Variants in AQP12A observed in about 807,000 individuals in gnomAD.
The protein encoded by AQP12A is aquaporin 12A.
In AQP12A, 11 loss-of-function variants were observed where a neutral mutation model predicts 12.2. The observed-to-expected ratio is 0.90, with a 90% CI of 0.57 to 1.49. AQP12A has a LOEUF of 1.49. AQP12A is among the 40% of genes most tolerant of loss of function. The probability of loss-of-function intolerance (pLI) is 0.00; values close to 1 mark genes in which losing one functional copy is unlikely to be tolerated. For missense variants in AQP12A, 203 were observed against 260.8 expected (o/e 0.78, Z 1.53); for synonymous variants, 101 against 127.1 (o/e 0.79, Z 1.38).
In AQP12A at chr2:240,692,194, C is replaced by A. The variant is rs1219102395; in HGVS notation, c.244C>A (p.Pro82Thr). ...GVTLDGASANPTVSLQEFLMA... is the reference protein window; with the variant it reads ...GVTLDGASANTTVSLQEFLMA... ...CACCTTGGACGGGGCCTCGGCCAAC[C>A]CCACTGTGTCCCTGCAGGAGTTCCT... Residue 82 changes from proline to threonine, a missense_variant, in exon 2 of 4, where the codon CCC becomes ACC. Around this residue, in one of 2 missense-constraint regions of AQP12A, gnomAD observed 191 missense variants for 197.1 expected, o/e 0.97. Transcript: ENST00000337801. 6 of 1,581,478 alleles carry A rather than the reference C, an allele frequency of 3.8e-6. No individual in the cohort carries two copies. Among genetic ancestry groups the A allele is most frequent in the Non-Finnish European group, 5.1e-6 (6 of 1,167,882 alleles).
In AQP12A at chr2:240,692,081, C is replaced by T. The variant is rs143658178; in HGVS notation, c.131C>T (p.Thr44Met). 1.2e-5 allele frequency: 19 copies of T among 1,581,572 alleles called. 4 individuals are homozygous for T. The highest frequency in any genetic ancestry group is 4.7e-5 in the East Asian group (2 of 42,154). ...GGGCCCTGCTGCCTGGAGATGAGGA[C>T]GCTGGTCGAGCTCGGGCCCTGGGCT... ...YEVFAREAMRTLVELGPWAGD... is the reference protein window; with the variant it reads ...YEVFAREAMRMLVELGPWAGD... The change falls in exon 2 of 4, where the codon ACG becomes ATG. Residue 44 changes from threonine to methionine, a missense_variant. By Grantham distance (81) the Thr-to-Met change is moderately conservative. This residue lies in a region of AQP12A where 191 missense variants were observed against 197.1 expected (regional missense o/e 0.97). Transcript: ENST00000337801.
chr2:240,692,765 G>C (rs1382551789), intron 2 of AQP12A, among the ~76,000 whole-genome samples: 2 of 151,128 alleles, frequency 1.3e-5, no homozygotes, highest in Non-Finnish European at 2.9e-5. Context: ...CCTCTCCCCA[G>C]TCGCAGCTAT....
chr2:240,692,228 A>G lies in AQP12A; in HGVS notation c.278A>G (p.Glu93Gly), dbSNP rs754094713. 64 of 1,579,082 alleles carry G rather than the reference A, an allele frequency of 4.1e-5. 13 individuals carry two copies. The Admixed American group carries it at 1.1e-3, about 27-fold the overall frequency. Residue 93 changes from glutamate to glycine, a missense_variant, in exon 2 of 4, where the codon GAG becomes GGG. Around this residue, in one of 2 missense-constraint regions of AQP12A, gnomAD observed 191 missense variants for 197.1 expected, o/e 0.97. Transcript: ENST00000337801. ...TVSLQEFLMA[E>G]QSLPGTLLKL... ...TCCCTGCAGGAGTTCCTCATGGCCG[A>G]GCAGTCTCTGCCTGGCACGCTGTTG...
In AQP12A at chr2:240,692,163, C is replaced by A. The variant is rs145149435; in HGVS notation, c.213C>A (p.His71Gln). 2.5e-6 allele frequency: 4 copies of A among 1,583,710 alleles called. 1 individual carries two copies. The African/African-American group carries it at 5.6e-5, about 22-fold the overall frequency. The change falls in exon 2 of 4, where the codon CAC (histidine) becomes CAA (glutamine). Residue 71 changes from histidine (H) to glutamine (Q), a missense_variant. His to Gln is a conservative substitution (Grantham distance 24). Around this residue, in one of 2 missense-constraint regions of AQP12A, gnomAD observed 191 missense variants for 197.1 expected, o/e 0.97. Transcript: ENST00000337801. ...TGCTCTTCCTGCTCTTCCTGGCGCACGGGGTCACCTTGGACGGGGCCTCGG... is the reference window on the plus strand; with the variant it reads ...TGCTCTTCCTGCTCTTCCTGGCGCAAGGGGTCACCTTGGACGGGGCCTCGG... ...LTLLFLLFLA[H>Q]GVTLDGASAN... is the part of the protein sequence containing the mutation.
At position 240,692,186 on chromosome 2, in the gene AQP12A, C is replaced by T. The variant is rs768799804; in HGVS notation, c.236C>T (p.Ser79Leu). 20 of 1,581,946 alleles carry T rather than the reference C, an allele frequency of 1.3e-5. 3 individuals are homozygous for T. The highest frequency in any genetic ancestry group is 1.7e-5 in the Non-Finnish European group (20 of 1,167,958). The change falls in exon 2 of 4, where the codon TCG (serine) becomes TTG (leucine). Residue 79 changes from serine to leucine, a missense_variant. Around this residue, in one of 2 missense-constraint regions of AQP12A, gnomAD observed 191 missense variants for 197.1 expected, o/e 0.97. Transcript: ENST00000337801. ...LAHGVTLDGA[S>L]ANPTVSLQEF... is the part of the protein sequence containing the mutation. ...CACGGGGTCACCTTGGACGGGGCCT[C>T]GGCCAACCCCACTGTGTCCCTGCAG...
intron 2 of AQP12A, among the ~76,000 whole-genome samples, chr2:240,693,088 G>A (rs1283220349): frequency 1.3e-5 from 2 of 152,094 alleles, no homozygotes; most frequent in Non-Finnish European, 2.9e-5. Context: ...TTTCCCCTCC[G>A]AGCGCTAGGC....
At chr2:240,693,484 C>T (rs537218852) in intron 2 of AQP12A, among the ~76,000 whole-genome samples, 638 of 152,008 alleles carry the variant, frequency 4.2e-3, no homozygotes, top group African/African-American at 0.015. Flanking sequence ...CGTCAAGGGT[C>T]CTGCCTCCAC....
Position 240,693,794 on chromosome 2 carries a change from C to G in AQP12A, c.572-639C>G, listed in dbSNP as rs542569139. On this transcript the variant is annotated intron_variant, in intron 2 of 3. Coordinates refer to ENST00000337801, the MANE Select transcript of AQP12A (RefSeq NM_198998.3). ...GCTCGTTTATTTCTGAGATCTCTCTCTGTCTCTCCTCTCTCTCTCTGTCTC... is the reference window on the plus strand; with the variant it reads ...GCTCGTTTATTTCTGAGATCTCTCTGTGTCTCTCCTCTCTCTCTCTGTCTC... 3.5e-5 allele frequency among the ~76,000 whole-genome samples: 5 copies of G among 142,168 alleles called. No homozygotes were observed. The South Asian group carries it at 8.6e-4, about 24-fold the overall frequency. The allele number at this position is 142,168 out of a possible 152,430, so 93.3% of individuals were successfully genotyped here. A position where few individuals can be genotyped will look rare whatever the true frequency, so the allele number is the denominator to read the frequency against.
chr2:240,692,209 C>A lies in AQP12A; in HGVS notation c.259C>A (p.Gln87Lys), dbSNP rs1422529979. 4 of 1,580,772 alleles carry A rather than the reference C, an allele frequency of 2.5e-6. No individual in the cohort carries two copies. Among genetic ancestry groups the A allele is most frequent in the Non-Finnish European group, 3.4e-6 (4 of 1,167,800 alleles). Residue 87 changes from glutamine to lysine, a missense_variant, in exon 2 of 4, where the codon CAG (glutamine) becomes AAG (lysine). Transcript: ENST00000337801. ...CTCGGCCAACCCCACTGTGTCCCTG[C>A]AGGAGTTCCTCATGGCCGAGCAGTC... ...GASANPTVSL[Q>K]EFLMAEQSLP... is the part of the protein sequence containing the mutation.
At chr2:240,693,276 C>A (rs1277724680) in intron 2 of AQP12A, among the ~76,000 whole-genome samples, 1 of 152,212 alleles carries the variant, frequency 6.6e-6, no homozygotes, top group Non-Finnish European at 1.5e-5. Context: ...ACAGGACCAG[C>A]ACTTAGGTCC....
chr2:240,692,325 C>T lies in AQP12A; in HGVS notation c.375C>T (p.Leu125=), dbSNP rs1269544311. 1.3e-6 allele frequency: 2 copies of T among 1,575,182 alleles called. No individual in the cohort carries two copies. The highest frequency in any genetic ancestry group is 2.3e-5 in the South Asian group (2 of 87,878). Residue 125 remains leucine (L), a synonymous_variant, in exon 2 of 4, where the codon CTC becomes CTT. Coordinates refer to ENST00000337801, the MANE Select transcript of AQP12A (RefSeq NM_198998.3). Reference sequence around the variant, plus strand: ...TGCGCCTCTGCTGGGCCTGGGAGCTCAGTGACCTGCACCTGCTGCAGAGCC... The same window carrying T: ...TGCGCCTCTGCTGGGCCTGGGAGCTTAGTGACCTGCACCTGCTGCAGAGCC... ...TLMRLCWAWE[L]SDLHLLQSLM... is the part of the protein sequence containing the mutation.
chr2:240,692,949 T>C (rs2044084202), intron 2 of AQP12A, among the ~76,000 whole-genome samples: 2 of 152,220 alleles, frequency 1.3e-5, no homozygotes, highest in Admixed American at 1.3e-4. Flanking sequence ...GGCCTCCTAC[T>C]GACACCTGCA....
Position 240,691,882 on chromosome 2 carries a change from T to G in AQP12A, c.-32T>G. The G allele has an allele frequency of 6.3e-7, 1 of 1,587,724 alleles. No individual in the cohort carries two copies. The highest frequency in any genetic ancestry group is 8.6e-7 in the Non-Finnish European group (1 of 1,168,532). On this transcript the variant is annotated 5_prime_UTR_variant, in exon 1 of 4. Coordinates refer to ENST00000337801, the MANE Select transcript of AQP12A (RefSeq NM_198998.3). ...TCCTGCTCTGTCCCCTCAGGTGTCC[T>G]GCAGGCACAGCTCCTCGGGGGGCCC... is the stretch of plus-strand genomic sequence containing the variant.
In AQP12A at chr2:240,692,377, C is replaced by T. The variant is rs2044076502; in HGVS notation, c.427C>T (p.Leu143=). ...SLMAQSCSSA[L]RTSVPHGALV... ...CATGGCCCAGAGCTGCAGCTCGGCC[C>T]TGCGCACATCCGTGCCCCACGGGGC... Residue 143 remains leucine (L), a synonymous_variant, in exon 2 of 4, where the codon CTG becomes TTG. Coordinates refer to ENST00000337801, the MANE Select transcript of AQP12A (RefSeq NM_198998.3). The T allele has an allele frequency of 6.6e-7, 1 of 1,521,104 alleles. No individual in the cohort carries two copies. The highest frequency in any genetic ancestry group is 8.8e-7 in the Non-Finnish European group (1 of 1,139,008). The allele number at this position is 1,521,104 out of a possible 1,614,324, so 94.2% of individuals were successfully genotyped here. A position where few individuals can be genotyped will look rare whatever the true frequency, so the allele number is the denominator to read the frequency against.
chr2:240,693,395 G>A (rs1262380660), intron 2 of AQP12A, among the ~76,000 whole-genome samples: 3 of 152,296 alleles, frequency 2.0e-5, no homozygotes, highest in African/African-American at 7.2e-5. Flanking sequence ...CTGAGGCACG[G>A]GTGAGCGGGA....
In AQP12A at chr2:240,692,004, G is replaced by A; in HGVS notation, c.91G>A (p.Val31Met). The change falls in exon 1 of 4, where the codon GTG becomes ATG. Residue 31 changes from valine (V) to methionine (M), a missense_variant. By Grantham distance (21) the Val-to-Met change is conservative. Coordinates refer to ENST00000337801, the MANE Select transcript of AQP12A (RefSeq NM_198998.3). The stretch of plus-strand genomic sequence containing the variant: ...GCGGGCCTCCAAGGCCCTGCTCCCA[G>A]TGGGCGCCTATGAAGTCTTCGCCCG... ...ARRASKALLPVGAYEVFAREA... is the reference protein window; with the variant it reads ...ARRASKALLPMGAYEVFAREA... 1 of 1,587,868 alleles carries A rather than the reference G, an allele frequency of 6.3e-7. No individual in the cohort carries two copies.
chr2:240,693,802 C>CCTCT (rs566068955), intron 2 of AQP12A, among the ~76,000 whole-genome samples: 1 of 141,044 alleles, frequency 7.1e-6, no homozygotes, highest in Non-Finnish European at 1.6e-5. Context: ...CTCTGTCTCT[C>CCTCT]CTCTCTCTCT....
Position 240,692,287 on chromosome 2 carries a change from G to A in AQP12A, c.337G>A (p.Ala113Thr), listed in dbSNP as rs775028865. ...GGCACAGGGGCTGGGCATGCAGGCC[G>A]CCTGCACCCTGATGCGCCTCTGCTG... ...LAAQGLGMQA[A>T]CTLMRLCWAW... The change falls in exon 2 of 4, where the codon GCC becomes ACC. Residue 113 changes from alanine to threonine, a missense_variant. By Grantham distance (58) the Ala-to-Thr change is moderately conservative (BLOSUM62 0). Coordinates refer to ENST00000337801, the MANE Select transcript of AQP12A (RefSeq NM_198998.3). 6 of 1,578,592 alleles carry A rather than the reference G, an allele frequency of 3.8e-6. 1 individual carries two copies. Among genetic ancestry groups the A allele is most frequent in the South Asian group, 3.4e-5 (3 of 88,186 alleles).
At position 240,691,901 on chromosome 2, in the gene AQP12A, G is replaced by A. The variant is rs1286526254; in HGVS notation, c.-13G>A. On this transcript the variant is annotated 5_prime_UTR_variant, in exon 1 of 4. Coordinates refer to ENST00000337801, the MANE Select transcript of AQP12A (RefSeq NM_198998.3). ...GTGTCCTGCAGGCACAGCTCCTCGG[G>A]GGGCCCAGGCCGATGGCAGGTCTTA... is the stretch of plus-strand genomic sequence containing the variant. 3 of 1,592,438 alleles carry A rather than the reference G, an allele frequency of 1.9e-6. No individual in the cohort carries two copies. The highest frequency in any genetic ancestry group is 2.6e-6 in the Non-Finnish European group (3 of 1,172,006).
Sources: gnomAD v4.1 joint callset for allele counts (sites outside exome capture counted in the v4.1 genomes callset) on GRCh38, gnomAD v4.1.1 for gene constraint, gnomAD v4.1.1 regional missense constraint, MANE v1.5 for transcripts, NCBI Gene and HGNC (gene_info 2026-07-23, HGNC 2026-07-21) for gene names.